Variants in LSM7 observed in about 807,000 individuals in gnomAD.
LSM7 encodes the protein U6 snRNA-associated Sm-like protein LSm7.
A neutral mutation model predicts 14.1 loss-of-function variants in LSM7; 13 were observed. That is an observed-to-expected ratio of 0.92 (90% CI 0.60 to 1.47). The LOEUF (loss-of-function observed/expected upper bound fraction) is 1.47, where lower values mean the gene tolerates loss of function less well. Ranked by LOEUF, LSM7 falls within the 40% of genes most tolerant of loss-of-function variation. The probability of loss-of-function intolerance (pLI) is 0.00; values close to 1 mark genes in which losing one functional copy is unlikely to be tolerated. For missense variants in LSM7, 108 were observed against 140.8 expected (o/e 0.77, Z 1.18); for synonymous variants, 70 against 57.1 (o/e 1.23, Z -1.02).
chr19:2,328,075 G>A, intron 2 of LSM7: 1 of 261,030 alleles, frequency 3.8e-6, no homozygotes, highest in South Asian at 4.9e-5. Flanking sequence ...GAGGCCAGGA[G>A]TTTGAGACCA....
intron 2 of LSM7, among the ~76,000 whole-genome samples, chr19:2,325,237 G>C (rs1285038503): frequency 6.6e-6 from 1 of 152,136 alleles, no homozygotes; most frequent in Non-Finnish European, 1.5e-5. Flanking sequence ...CGCAGTGTCT[G>C]GTGACACTGA....
At chr19:2,322,142 C>T (rs186535712) in intron 3 of LSM7, among the ~76,000 whole-genome samples, 17 of 152,258 alleles carry the variant, frequency 1.1e-4, no homozygotes, top group East Asian at 3.9e-4. Context: ...GCACCAGGGC[C>T]GGGAACCAGG....
chr19:2,326,314 G>T (rs1346679506), intron 2 of LSM7, among the ~76,000 whole-genome samples: 4 of 67,382 alleles, frequency 5.9e-5, no homozygotes, highest in Non-Finnish European at 1.1e-4. Flanking sequence ...TCTGCTTTTT[G>T]TGTGTGTGTG....
intron 3 of LSM7, among the ~76,000 whole-genome samples, chr19:2,323,596 A>G (rs150762892): frequency 0.033 from 4,982 of 152,160 alleles, 238 homozygotes; most frequent in African/African-American, 0.1. Context: ...GATTACAGGC[A>G]TGCGCCACCA....
At chr19:2,324,318 G>T (rs770084393) in intron 2 of LSM7, 122 bp from the exon 3 acceptor site, 6 of 771,770 alleles carry the variant, frequency 7.8e-6, no homozygotes, top group Non-Finnish European at 1.3e-5. Flanking sequence ...CTGAGGGTAG[G>T]AGAGGGCTCC....
rs766095013 is a variant in LSM7, at chr19:2,321,671, C to T, written c.*9G>A. 4.7e-6 allele frequency: 7 copies of T among 1,502,396 alleles called. No individual in the cohort carries two copies. The highest frequency in any genetic ancestry group is 6.2e-6 in the Non-Finnish European group (7 of 1,125,004). The allele number at this position is 1,502,396 out of a possible 1,614,324, so 93.1% of individuals were successfully genotyped here. A position where few individuals can be genotyped will look rare whatever the true frequency, so the allele number is the denominator to read the frequency against. On this transcript the variant is annotated 3_prime_UTR_variant, in exon 4 of 4. Transcript: ENST00000252622. This position sits in a 1 kb window ranked among gnomAD's most constrained non-coding sequence, Gnocchi z 5.0. ...GGCCTGCCCTGCACCCCCCGCGCCC[C>T]CGGCCAGGCTAGGCGTCCTGCTGCT...
rs554993414 is a variant in LSM7 at position 2,323,232 on chromosome 19, G to A, written c.169+893C>T. 6.6e-5 allele frequency among the ~76,000 whole-genome samples: 10 copies of A among 152,280 alleles called. No individual in the cohort carries two copies. In the East Asian group the frequency reaches 1.5e-3, roughly 24 times the overall value. ...GAAATGAGGGAGGGTCCTCTGGGGA[G>A]GAGACAGGGACCCTGCGTTCATAGC... is the stretch of plus-strand genomic sequence containing the variant. On this transcript the variant is annotated intron_variant, in intron 3 of 3. Coordinates refer to ENST00000252622, the MANE Select transcript of LSM7 (RefSeq NM_016199.3).
In LSM7 at chr19:2,321,743, T is replaced by G. The variant is rs1239594380; in HGVS notation, c.249A>C (p.Leu83=). The G allele has an allele frequency of 6.4e-7, 1 of 1,568,280 alleles. No individual in the cohort carries two copies. The highest frequency in any genetic ancestry group is 1.7e-4 in the Middle Eastern group (1 of 5,980). ...CCTCCATGCCGTCCTGCGGGCAGATTAGCACCACGGACGTGCCCCGGCACA... is the reference window on the plus strand; with the variant it reads ...CCTCCATGCCGTCCTGCGGGCAGATGAGCACCACGGACGTGCCCCGGCACA... ...LVVCRGTSVV[L]ICPQDGMEAI... The change falls in exon 4 of 4, where the codon CTA becomes CTC. Residue 83 remains leucine (L), a synonymous_variant. Coordinates refer to ENST00000252622, the MANE Select transcript of LSM7 (RefSeq NM_016199.3). This position sits in a 1 kb window ranked among gnomAD's most constrained non-coding sequence, Gnocchi z 5.0.
chr19:2,328,523 T>G, intron 1 of LSM7, 38 bp downstream of exon 1: 2 of 1,608,802 alleles, frequency 1.2e-6, no homozygotes, highest in Non-Finnish European at 1.7e-6. Context: ...CGGCCCGAGC[T>G]CCACGCCCCC....
In LSM7 at chr19:2,321,664, C is replaced by G; in HGVS notation, c.*16G>C. 2.0e-6 allele frequency: 3 copies of G among 1,486,548 alleles called. No individual in the cohort carries two copies. Among genetic ancestry groups the G allele is most frequent in the East Asian group, 2.6e-5 (1 of 38,230 alleles). The allele number at this position is 1,486,548 out of a possible 1,614,324, so 92.1% of individuals were successfully genotyped here. ...CTGCTCGGGCCTGCCCTGCACCCCC[C>G]GCGCCCCCGGCCAGGCTAGGCGTCC... On this transcript the variant is annotated 3_prime_UTR_variant, in exon 4 of 4. Coordinates refer to ENST00000252622, the MANE Select transcript of LSM7 (RefSeq NM_016199.3). The surrounding 1 kb of genome is among the most constrained non-coding windows in gnomAD (Gnocchi z 5.0).
In LSM7 at chr19:2,321,636, G is replaced by A. The variant is rs1342650956; in HGVS notation, c.*44C>T. 1.2e-5 allele frequency: 16 copies of A among 1,368,004 alleles called. No homozygotes were observed. The highest frequency in any genetic ancestry group is 7.5e-5 in the African/African-American group (5 of 66,784). 84.7% of individuals were successfully genotyped at this position (1,368,004 alleles called of 1,614,324 possible). On this transcript the variant is annotated 3_prime_UTR_variant, in exon 4 of 4. Transcript: ENST00000252622. This position sits in a 1 kb window ranked among gnomAD's most constrained non-coding sequence, Gnocchi z 5.0. ...GCAGCAGCCAAGTCCGCGGGAAACC[G>A]AGCTGCTCGGGCCTGCCCTGCACCC...
At chr19:2,324,250 C>A in intron 2 of LSM7, 54 bp from the exon 3 acceptor site, 12 of 1,395,050 alleles carry the variant, frequency 8.6e-6, no homozygotes, top group Non-Finnish European at 1.2e-5. Flanking sequence ...CCGTCCTGGG[C>A]GCAGGGCCCG....
chr19:2,328,269 C>CA (rs1196570169), intron 2 of LSM7, 118 bp downstream of exon 2: 72 of 912,726 alleles, frequency 7.9e-5, no homozygotes, highest in Non-Finnish European at 9.7e-5. Flanking sequence ...GACTGCGTCT[C>CA]AAAAAAAATA....
Position 2,324,110 on chromosome 19 carries a change from C to T in LSM7, c.169+15G>A, listed in dbSNP as rs781486562. Reference sequence around the variant, plus strand: ...CCCTCGTCCCGCTGCCTGCCTCGGCCGCCACCCCACTCACCTCGCATGTAC... The same window carrying T: ...CCCTCGTCCCGCTGCCTGCCTCGGCTGCCACCCCACTCACCTCGCATGTAC... On this transcript the variant is annotated intron_variant, in intron 3 of 3. Coordinates refer to ENST00000252622, the MANE Select transcript of LSM7 (RefSeq NM_016199.3). The T allele has an allele frequency of 9.7e-6, 15 of 1,544,842 alleles. No individual in the cohort carries two copies. Among genetic ancestry groups the T allele is most frequent in the South Asian group, 5.9e-5 (5 of 84,090 alleles).
intron 2 of LSM7, among the ~76,000 whole-genome samples, chr19:2,325,602 C>A (rs1357635637): frequency 2.0e-5 from 3 of 152,220 alleles, no homozygotes; most frequent in Non-Finnish European, 4.4e-5. Context: ...CAAGGCAGGG[C>A]CGAGAGCCCG....
At chr19:2,323,614 C>T (rs1967969461) in intron 3 of LSM7, among the ~76,000 whole-genome samples, 1 of 152,134 alleles carries the variant, frequency 6.6e-6, no homozygotes, top group African/African-American at 2.4e-5. Context: ...CCACACCCAG[C>T]AATTTTTTTG....
In LSM7 at chr19:2,322,871, C is replaced by A. The variant is rs190531761; in HGVS notation, c.170-1049G>T. 8.7e-5 allele frequency among the ~76,000 whole-genome samples: 13 copies of A among 150,194 alleles called. No homozygotes were observed. The East Asian group carries it at 2.6e-3, about 30-fold the overall frequency. ...GGCCACAGGCACATGTACCGCCATG[C>A]CTGGCTAATTACATTTTTTTTTTTT... On this transcript the variant is annotated intron_variant, in intron 3 of 3. Coordinates refer to ENST00000252622, the MANE Select transcript of LSM7 (RefSeq NM_016199.3).
rs886883 is a variant in LSM7 at position 2,326,989 on chromosome 19, G to A, written c.97+1398C>T. On this transcript the variant is annotated intron_variant, in intron 2 of 3. Transcript: ENST00000252622. ...CACTGAGCTCTGTCAATAACCAGTG[G>A]GCTCAGAAGAAGACCCCAAGATGAT... is the stretch of plus-strand genomic sequence containing the variant. Among the ~76,000 whole-genome samples, 10 of 152,158 alleles carry A rather than the reference G, an allele frequency of 6.6e-5. 1 individual carries two copies. Among genetic ancestry groups the A allele is most frequent in the Admixed American group, 5.2e-4 (8 of 15,292 alleles).
chr19:2,321,755 C>A lies in LSM7; in HGVS notation c.237G>T (p.Thr79=), dbSNP rs201627684. ...RQLGLVVCRG[T]SVVLICPQDG... Reference sequence around the variant, plus strand: ...CCTGCGGGCAGATTAGCACCACGGACGTGCCCCGGCACACCACGAGGCCCA... The same window carrying A: ...CCTGCGGGCAGATTAGCACCACGGAAGTGCCCCGGCACACCACGAGGCCCA... Residue 79 remains threonine, a synonymous_variant, in exon 4 of 4, where the codon ACG becomes ACT. Transcript: ENST00000252622. This position sits in a 1 kb window ranked among gnomAD's most constrained non-coding sequence, Gnocchi z 5.0. 2 of 1,562,000 alleles carry A rather than the reference C, an allele frequency of 1.3e-6. No individual in the cohort carries two copies. The highest frequency in any genetic ancestry group is 2.4e-5 in the East Asian group (1 of 41,540).
Sources: gnomAD v4.1 joint callset for allele counts (sites outside exome capture counted in the v4.1 genomes callset) on GRCh38, gnomAD v4.1.1 for gene constraint, Gnocchi (gnomAD v3.1) non-coding constraint, MANE v1.5 for transcripts, NCBI Gene and HGNC (gene_info 2026-07-23, HGNC 2026-07-21) for gene names.